CAMK2D: variants seen among roughly 807,000 people sequenced by gnomAD.
The protein encoded by CAMK2D is calcium/calmodulin dependent protein kinase II delta, also known as calcium/calmodulin-dependent protein kinase type II subunit delta.
CAMK2D carries 37 observed loss-of-function variants against 84.0 expected under a neutral mutation model. The observed-to-expected ratio is 0.44, with a 90% confidence interval of 0.34 to 0.58. The LOEUF is 0.58. Ranked by LOEUF, CAMK2D falls within the 20% of genes least tolerant of loss-of-function variation. The pLI is 0.02. For synonymous variants in CAMK2D, 202 were observed against 212.5 expected (o/e 0.95, Z 0.43); for missense variants, 448 against 652.5 (o/e 0.69, Z 3.41).
At chr4:113,553,614 T>A (rs1415181713) in intron 4 of CAMK2D, among the ~76,000 whole-genome samples, 1 of 152,220 alleles carries the variant, frequency 6.6e-6, no homozygotes, top group African/African-American at 2.4e-5. Flanking sequence ...TCTGCCTCTC[T>A]TAATTGCATT....
chr4:113,755,075 G>A, intron 2 of CAMK2D: 1 of 984,430 alleles, frequency 1.0e-6, no homozygotes, highest in Non-Finnish European at 1.2e-6. Context: ...AGAAATTACA[G>A]TACTTTCTTG....
At chr4:113,740,953 C>T (rs2099591542) in intron 2 of CAMK2D, among the ~76,000 whole-genome samples, 1 of 152,068 alleles carries the variant, frequency 6.6e-6, no homozygotes. Flanking sequence ...AAATTGGGTG[C>T]CATTCTGAGA....
intron 16 of CAMK2D, among the ~76,000 whole-genome samples, chr4:113,466,056 A>G (rs1564429390): frequency 6.6e-6 from 1 of 151,978 alleles, no homozygotes; most frequent in Non-Finnish European, 1.5e-5. Context: ...GTTCAAGACC[A>G]GCCTGACCCA....
chr4:113,573,661 A>G (rs903147855), intron 4 of CAMK2D, among the ~76,000 whole-genome samples: 2 of 152,258 alleles, frequency 1.3e-5, no homozygotes, highest in African/African-American at 4.8e-5. Context: ...AAGAGGCTTT[A>G]TAAAACTACT....
intron 16 of CAMK2D, among the ~76,000 whole-genome samples, chr4:113,476,340 CCA>C (rs910366707): frequency 1.3e-5 from 2 of 152,074 alleles, no homozygotes; most frequent in African/African-American, 4.8e-5. Context: ...CCCATTTTTA[CCA>C]CACACACATT....
At chr4:113,539,080 C>A (rs565321310) in intron 6 of CAMK2D, among the ~76,000 whole-genome samples, 1 of 152,140 alleles carries the variant, frequency 6.6e-6, no homozygotes, top group Non-Finnish European at 1.5e-5. Context: ...GGAACTTTAT[C>A]AATATACTAT....
chr4:113,605,163 G>A (rs542002934), intron 4 of CAMK2D, among the ~76,000 whole-genome samples: 7 of 152,294 alleles, frequency 4.6e-5, no homozygotes, highest in African/African-American at 1.7e-4. Context: ...ACAGGGAGTC[G>A]ACAGCAGATG....
chr4:113,635,118 C>T (rs1225078171), intron 3 of CAMK2D, among the ~76,000 whole-genome samples: 6 of 152,154 alleles, frequency 3.9e-5, no homozygotes, highest in Non-Finnish European at 5.9e-5. Context: ...TATGCGAAAG[C>T]ACTTTTTGCT....
At chr4:113,490,080 C>T (rs2097813928) in intron 16 of CAMK2D, among the ~76,000 whole-genome samples, 1 of 151,040 alleles carries the variant, frequency 6.6e-6, no homozygotes, top group East Asian at 2.0e-4. Flanking sequence ...AATTTTCTCC[C>T]ATTTTGTAGG....
intron 2 of CAMK2D, among the ~76,000 whole-genome samples, chr4:113,693,564 CTT>C (rs949538785): frequency 3.3e-5 from 5 of 152,088 alleles, no homozygotes; most frequent in African/African-American, 1.2e-4. Context: ...TTTCCCTTCT[CTT>C]TGTGTCTAAT....
rs1163695459 is a variant in CAMK2D, at chr4:113,454,679, G to A, written c.*30-164C>T. On this transcript the variant is annotated intron_variant, in intron 20 of 20. Coordinates refer to ENST00000511664, the MANE Select transcript of CAMK2D (RefSeq NM_001321571.2). ...TGTTTGCTTGTGATCATTACAAGAA[G>A]AAACATACAATGTTACACAAAGAGA... Among the ~76,000 whole-genome samples the A allele has an allele frequency of 3.9e-5, 6 of 152,166 alleles. No homozygotes were observed. In the East Asian group the frequency reaches 1.2e-3, roughly 29 times the overall value.
intron 3 of CAMK2D, among the ~76,000 whole-genome samples, chr4:113,642,489 C>A (rs2099136198): frequency 6.6e-6 from 1 of 152,226 alleles, no homozygotes; most frequent in Non-Finnish European, 1.5e-5. Flanking sequence ...CTCCCACATT[C>A]CTCACACATA....
intron 14 of CAMK2D, 143 bp downstream of exon 14, chr4:113,504,831 CAA>C (rs35574643): frequency 0.031 from 7,354 of 235,804 alleles, 6 homozygotes; most frequent in Middle Eastern, 0.041. Context: ...TCATAGAAAG[CAA>C]AAAAAAAAAA....
chr4:113,528,843 T>C (rs192676802), intron 8 of CAMK2D, among the ~76,000 whole-genome samples: 1 of 152,240 alleles, frequency 6.6e-6, no homozygotes, highest in East Asian at 1.9e-4. Flanking sequence ...GCAAGGAAAA[T>C]ATCTGAGATA....
At chr4:113,607,517 T>C (rs889539606) in intron 4 of CAMK2D, among the ~76,000 whole-genome samples, 1 of 152,062 alleles carries the variant, frequency 6.6e-6, no homozygotes, top group Non-Finnish European at 1.5e-5. Context: ...ACCATTGTGA[T>C]TTGTTCCTGC....
Position 113,640,713 on chromosome 4 carries a change from G to A in CAMK2D, c.220+21000C>T, listed in dbSNP as rs775825545. On this transcript the variant is annotated intron_variant, in intron 3 of 20. Transcript: ENST00000511664. ...ACATAGAAGAAGCCTGAAAGCAGAC[G>A]CTTAGAAAATAAATGTGCATTAAGG... Among the ~76,000 whole-genome samples, 4 of 152,098 alleles carry A rather than the reference G, an allele frequency of 2.6e-5. No individual in the cohort carries two copies. The East Asian group carries it at 5.8e-4, about 22-fold the overall frequency.
chr4:113,540,182 A>T (rs2098520813), intron 6 of CAMK2D, among the ~76,000 whole-genome samples: 1 of 152,192 alleles, frequency 6.6e-6, no homozygotes, highest in Non-Finnish European at 1.5e-5. Context: ...CCACTCATAT[A>T]GCTTCCAAGT....
intron 3 of CAMK2D, among the ~76,000 whole-genome samples, chr4:113,642,301 A>C (rs1201757641): frequency 1.3e-5 from 2 of 152,362 alleles, no homozygotes; most frequent in South Asian, 4.1e-4. Flanking sequence ...TATGATTTCC[A>C]TTCAGGATGG....
At chr4:113,713,356 G>A (rs2099500176) in intron 2 of CAMK2D, among the ~76,000 whole-genome samples, 1 of 150,874 alleles carries the variant, frequency 6.6e-6, no homozygotes, top group Non-Finnish European at 1.5e-5. Context: ...ATGGGTACAA[G>A]TTTGTTTCTC....
Sources: gnomAD v4.1 joint callset for allele counts (sites outside exome capture counted in the v4.1 genomes callset) on GRCh38, gnomAD v4.1.1 for gene constraint, MANE v1.5 for transcripts, NCBI Gene and HGNC (gene_info 2026-07-23, HGNC 2026-07-21) for gene names.